Variants in PDE5A observed in about 807,000 individuals in gnomAD.
PDE5A encodes cGMP-specific 3',5'-cyclic phosphodiesterase.
PDE5A carries 67 observed loss-of-function variants against 110.2 expected under a neutral mutation model. The observed-to-expected ratio is 0.61, with a 90% CI of 0.50 to 0.75. The LOEUF is 0.75. Among genes scored for constraint, PDE5A ranks in the 30% least tolerant of loss-of-function variants. The pLI, the probability that PDE5A is intolerant of heterozygous loss-of-function variation, is 0.00. For missense variants in PDE5A, 862 were observed against 1,045.1 expected (o/e 0.82, Z 2.42); for synonymous variants, 328 against 351.2 (o/e 0.93, Z 0.74).
Position 119,497,192 on chromosome 4 carries a change from G to C in PDE5A, c.*1409C>G, listed in dbSNP as rs577307196. ...TCAAATATCTTTTTTGTGGGTTGGA[G>C]GTAGAAGTTAACAAATCAAGCAAAT... On this transcript the variant is annotated 3_prime_UTR_variant, in exon 21 of 21. Transcript: ENST00000354960. 3 of 152,130 alleles carry C rather than the reference G, an allele frequency of 2.0e-5. No homozygotes were observed. The highest frequency in any genetic ancestry group is 2.0e-4 in the Admixed American group (3 of 15,276). 9.4% of individuals were successfully genotyped at this position (152,130 alleles called of 1,614,324 possible).
chr4:119,562,311 A>G (rs1345105926), intron 6 of PDE5A, among the ~76,000 whole-genome samples: 3 of 152,236 alleles, frequency 2.0e-5, no homozygotes, highest in Non-Finnish European at 4.4e-5. Flanking sequence ...AGAACAGCTT[A>G]GTGGTTTTCC....
intron 9 of PDE5A, among the ~76,000 whole-genome samples, chr4:119,544,869 G>A (rs113411958): frequency 2.2e-3 from 331 of 152,186 alleles, no homozygotes; most frequent in African/African-American, 7.2e-3. Flanking sequence ...GGAATTGCCC[G>A]CAAGTCCTTT....
chr4:119,585,528 T>C (rs1728730353), intron 3 of PDE5A, among the ~76,000 whole-genome samples: 1 of 152,202 alleles, frequency 6.6e-6, no homozygotes, highest in Non-Finnish European at 1.5e-5. Flanking sequence ...TTTTAAGAGA[T>C]CATTTTAATT....
intron 3 of PDE5A, among the ~76,000 whole-genome samples, chr4:119,588,528 T>A (rs1578803771): frequency 1.4e-5 from 2 of 139,736 alleles, no homozygotes. Context: ...TTTGCTTCAT[T>A]AAAAAAAAAA....
chr4:119,519,547 T>C (rs1468300028), intron 13 of PDE5A: 1 of 158,546 alleles, frequency 6.3e-6, no homozygotes, highest in Admixed American at 6.5e-5. Context: ...ACAATGTTAA[T>C]TCAAGCAAAA....
At chr4:119,532,068 A>C (rs985626896) in intron 11 of PDE5A, among the ~76,000 whole-genome samples, 14 of 152,162 alleles carry the variant, frequency 9.2e-5, no homozygotes, top group African/African-American at 2.9e-4. Context: ...ATTTTAAGGG[A>C]AAAGAAAGCA....
chr4:119,611,505 G>A (rs1578827060), intron 1 of PDE5A, among the ~76,000 whole-genome samples: 1 of 152,308 alleles, frequency 6.6e-6, no homozygotes, highest in East Asian at 1.9e-4. Context: ...ATCACCCCTT[G>A]GATGTGTAAG....
At chr4:119,622,864 G>GA (rs369291602) in intron 1 of PDE5A, among the ~76,000 whole-genome samples, 75,637 of 96,800 alleles carry the variant, frequency 0.78, 29,154 homozygotes, top group East Asian at 0.89. Context: ...ACTCCGTCTC[G>GA]AAAAAAAAAA....
intron 12 of PDE5A, among the ~76,000 whole-genome samples, chr4:119,522,401 C>CTT (rs1479550015): frequency 6.6e-6 from 1 of 151,840 alleles, no homozygotes; most frequent in Non-Finnish European, 1.5e-5. Context: ...TACTGAGAGA[C>CTT]TTTTAAGTAA....
chr4:119,586,445 C>CCTGTATTTT (rs1186104241), intron 3 of PDE5A, among the ~76,000 whole-genome samples: 2 of 152,098 alleles, frequency 1.3e-5, no homozygotes, highest in Non-Finnish European at 2.9e-5. Context: ...GGGTATTTAA[C>CCTGTATTTT]ACTTGATAAA....
rs147714680 is a variant in PDE5A at position 119,627,463 on chromosome 4, TC to T, written c.152+1056del. 31 of 212,318 alleles carry T rather than the reference TC, an allele frequency of 1.5e-4. No homozygotes were observed. Among genetic ancestry groups the T allele is most frequent in the African/African-American group, 6.8e-4 (29 of 42,622 alleles). The allele number at this position is 212,318 out of a possible 1,614,324, so 13.2% of individuals were successfully genotyped here. A position where few individuals can be genotyped will look rare whatever the true frequency, so the allele number is the denominator to read the frequency against. On this transcript the variant is annotated intron_variant, in intron 1 of 20. Coordinates refer to ENST00000354960, the MANE Select transcript of PDE5A (RefSeq NM_001083.4). This position sits in a 1 kb window ranked among gnomAD's most constrained non-coding sequence, Gnocchi z 4.6. The stretch of plus-strand genomic sequence containing the variant: ...CATCACTGCCGGGCGTGTGTCACCC[TC>T]CCGGCCAAGACGGCCAGCACCCGCT...
At chr4:119,507,013 T>C (rs577926674) in intron 16 of PDE5A, among the ~76,000 whole-genome samples, 2 of 152,070 alleles carry the variant, frequency 1.3e-5, no homozygotes, top group East Asian at 1.9e-4. Context: ...TGGAAACTTA[T>C]GATTGCTCAA....
intron 11 of PDE5A, among the ~76,000 whole-genome samples, chr4:119,536,453 G>A (rs1216152200): frequency 6.6e-6 from 1 of 152,108 alleles, no homozygotes; most frequent in African/African-American, 2.4e-5. Context: ...AGGAAGAATA[G>A]ACAAATGGGC....
chr4:119,621,947 G>A (rs544115915), intron 1 of PDE5A, among the ~76,000 whole-genome samples: 1 of 152,216 alleles, frequency 6.6e-6, no homozygotes, highest in African/African-American at 2.4e-5. Flanking sequence ...GAGGCGGGGG[G>A]ATCACCAAGT....
At chr4:119,628,025 G>C (rs1205934830) in intron 1 of PDE5A, 1 of 985,644 alleles carries the variant, frequency 1.0e-6, no homozygotes, top group East Asian at 1.1e-4. Flanking sequence ...TTGCCTTTGG[G>C]CTGTCCCGTG....
rs1247911200 is a variant in PDE5A at position 119,497,892 on chromosome 4, G to A, written c.*709C>T. ...TGGATCATCTCCTAAGGTTTCACCT[G>A]CTTTGCATCAGGTAGGTGAGATGAA... On this transcript the variant is annotated 3_prime_UTR_variant, in exon 21 of 21. Coordinates refer to ENST00000354960, the MANE Select transcript of PDE5A (RefSeq NM_001083.4). 2 of 152,302 alleles carry A rather than the reference G, an allele frequency of 1.3e-5. No individual in the cohort carries two copies. Among genetic ancestry groups the A allele is most frequent in the African/African-American group, 4.8e-5 (2 of 41,584 alleles). 9.4% of individuals were successfully genotyped at this position (152,302 alleles called of 1,614,324 possible). A position where few individuals can be genotyped will look rare whatever the true frequency, so the allele number is the denominator to read the frequency against.
chr4:119,574,746 TA>T (rs1013069073), intron 3 of PDE5A, among the ~76,000 whole-genome samples: 5 of 151,762 alleles, frequency 3.3e-5, no homozygotes, highest in African/African-American at 9.7e-5. Context: ...TATGCAACAT[TA>T]AAAAAAATCC....
chr4:119,627,054 C>T lies in PDE5A; in HGVS notation c.152+1466G>A, dbSNP rs1221345721. On this transcript the variant is annotated intron_variant, in intron 1 of 20. Coordinates refer to ENST00000354960, the MANE Select transcript of PDE5A (RefSeq NM_001083.4). The surrounding 1 kb of genome is among the most constrained non-coding windows in gnomAD (Gnocchi z 4.6). ...GTCAATTTTCAATGATACATCGTCCCACTGGTGCCACCGGGGCGCCACCAC... is the reference window on the plus strand; with the variant it reads ...GTCAATTTTCAATGATACATCGTCCTACTGGTGCCACCGGGGCGCCACCAC... The T allele has an allele frequency of 2.2e-6, 3 of 1,363,834 alleles. No homozygotes were observed. Among genetic ancestry groups the T allele is most frequent in the Non-Finnish European group, 2.1e-6 (2 of 965,934 alleles). 84.5% of individuals were successfully genotyped at this position (1,363,834 alleles called of 1,614,324 possible). A position where few individuals can be genotyped will look rare whatever the true frequency, so the allele number is the denominator to read the frequency against.
intron 3 of PDE5A, among the ~76,000 whole-genome samples, chr4:119,590,079 G>A (rs1177895701): frequency 2.6e-5 from 4 of 152,180 alleles, no homozygotes; most frequent in Non-Finnish European, 5.9e-5. Context: ...CCTACAGTCC[G>A]AATGCCTGGG....
Sources: allele counts gnomAD v4.1 joint callset (sites outside exome capture counted in the v4.1 genomes callset), GRCh38; gene constraint gnomAD v4.1.1; non-coding constraint Gnocchi (gnomAD v3.1); transcripts MANE v1.5; gene names NCBI Gene and HGNC (gene_info 2026-07-23, HGNC 2026-07-21).